TLCD4: variants seen among roughly 807,000 people sequenced by gnomAD.
The protein encoded by TLCD4 is TLC domain-containing protein 4.
Under a neutral mutation model 24.2 loss-of-function variants are expected in TLCD4, and 7 were observed. That is an observed-to-expected ratio of 0.29 (90% confidence interval 0.16 to 0.54). The LOEUF is 0.54. Among genes scored for constraint, TLCD4 ranks in the 20% least tolerant of loss-of-function variants. The pLI, the probability that TLCD4 is intolerant of heterozygous loss-of-function variation, is 0.95. For missense variants in TLCD4, 259 were observed against 313.9 expected (o/e 0.82, Z 1.32); for synonymous variants, 103 against 106.4 (o/e 0.97, Z 0.20).
At chr1:95,166,869 TAG>T (rs1462494467) in intron 5 of TLCD4, among the ~76,000 whole-genome samples, 1 of 151,806 alleles carries the variant, frequency 6.6e-6, no homozygotes, top group East Asian at 1.9e-4. Context: ...GCTGGGACTA[TAG>T]GCACACGCCA....
At chr1:95,114,338 G>A (rs1307535979), upstream of TLCD4, among the ~76,000 whole-genome samples, 1 of 152,170 alleles carries the variant, frequency 6.6e-6, no homozygotes, top group Non-Finnish European at 1.5e-5. Flanking sequence ...CAGCCTTTCT[G>A]ATCAAAATGT....
At chr1:95,125,437 G>A (rs1307848218) in intron 1 of TLCD4, 1 of 152,162 alleles carries the variant, frequency 6.6e-6, no homozygotes, top group African/African-American at 2.4e-5. Context: ...ACCAGTTTTA[G>A]GCAATGGCAA....
intron 1 of TLCD4, among the ~76,000 whole-genome samples, chr1:95,129,536 G>C (rs1411364305): frequency 6.6e-6 from 1 of 152,184 alleles, no homozygotes; most frequent in African/African-American, 2.4e-5. Flanking sequence ...GAGGTCAAGA[G>C]TTCGAGACCA....
chr1:95,098,119 C>T, the TLCD4 span, among the ~76,000 whole-genome samples: 1 of 152,144 alleles, frequency 6.6e-6, no homozygotes, highest in Non-Finnish European at 1.5e-5. Flanking sequence ...TGTGTACTCT[C>T]ATTTAGGCCT....
At chr1:95,159,753 T>C (rs1003381572) in intron 5 of TLCD4, among the ~76,000 whole-genome samples, 4 of 152,240 alleles carry the variant, frequency 2.6e-5, no homozygotes, top group Non-Finnish European at 5.9e-5. Flanking sequence ...CACCATTTAT[T>C]AAATAGGGAA....
intron 1 of TLCD4, among the ~76,000 whole-genome samples, chr1:95,141,792 T>TACAC (rs3075917): frequency 0.046 from 6,393 of 138,602 alleles, 251 homozygotes; most frequent in African/African-American, 0.1. Context: ...TTTTACCAAG[T>TACAC]ACACACACAC....
rs775191135 is a variant in TLCD4, at chr1:95,151,210, T to C, written c.305-115T>C. On this transcript the variant is annotated intron_variant, in intron 4 of 6. Transcript: ENST00000370203. ...CAGACTAACTGAGGGATGAACAAAG[T>C]GCTGTGGGCTCAGAGTGGACAGTGA... The C allele has an allele frequency of 6.3e-5, 64 of 1,010,460 alleles. 1 individual carries two copies. Among genetic ancestry groups the C allele is most frequent in the Admixed American group, 5.4e-4 (25 of 46,456 alleles). The allele number at this position is 1,010,460 out of a possible 1,614,324, so 62.6% of individuals were successfully genotyped here.
intron 6 of TLCD4, among the ~76,000 whole-genome samples, chr1:95,188,244 C>T (rs949239787): frequency 2.0e-5 from 3 of 151,962 alleles, no homozygotes; most frequent in African/African-American, 4.8e-5. Flanking sequence ...AAAAATTAGC[C>T]GGGCATGGTG....
intron 6 of TLCD4, chr1:95,174,302 G>A (rs80275430): frequency 0.079 from 12,757 of 160,646 alleles, 683 homozygotes; most frequent in South Asian, 0.1. Context: ...ACTTCCTCCT[G>A]TCCCCAAATT....
At chr1:95,132,456 C>CAA (rs34887671) in intron 1 of TLCD4, among the ~76,000 whole-genome samples, 9 of 72,418 alleles carry the variant, frequency 1.2e-4, no homozygotes, top group Non-Finnish European at 2.5e-4. Flanking sequence ...GACTCCAACT[C>CAA]AAAAAAAAAA....
chr1:95,171,143 G>A (rs1223309167), intron 5 of TLCD4, among the ~76,000 whole-genome samples: 1 of 151,994 alleles, frequency 6.6e-6, no homozygotes, highest in Non-Finnish European at 1.5e-5. Context: ...TAGAGATGGG[G>A]TTTTGCTATG....
intron 1 of TLCD4, among the ~76,000 whole-genome samples, chr1:95,125,878 A>G (rs1198294886): frequency 1.3e-5 from 2 of 152,212 alleles, no homozygotes; most frequent in Non-Finnish European, 2.9e-5. Flanking sequence ...TATTCCGGCC[A>G]TAGTGGCTCA....
In TLCD4 at chr1:95,191,541, AT is replaced by A. The variant is rs751757855; in HGVS notation, c.474-4del. On this transcript the variant is annotated splice_region_variant and splice_polypyrimidine_tract_variant and intron_variant, in intron 6 of 6. Transcript: ENST00000370203. The stretch of plus-strand genomic sequence containing the variant: ...TATAAATGTGATGTTTCTTTAATTC[AT>A]TTTTCAGGTGGTTCTTTGAAGCTCT... 1 of 1,592,878 alleles carries A rather than the reference AT, an allele frequency of 6.3e-7. No individual in the cohort carries two copies. Among genetic ancestry groups the A allele is most frequent in the Non-Finnish European group, 8.5e-7 (1 of 1,171,108 alleles).
chr1:95,101,652 G>A, the TLCD4 span, among the ~76,000 whole-genome samples: 1 of 152,096 alleles, frequency 6.6e-6, no homozygotes, highest in Admixed American at 6.6e-5. Context: ...TTTTTAACAT[G>A]ACTCCAGTTA....
At position 95,144,041 on chromosome 1, in the gene TLCD4, T is replaced by G; in HGVS notation, c.140T>G (p.Ile47Ser). 6.5e-7 allele frequency: 1 copy of G among 1,535,682 alleles called. No individual in the cohort carries two copies. The highest frequency in any genetic ancestry group is 8.7e-7 in the Non-Finnish European group (1 of 1,144,478). Residue 47 changes from isoleucine to serine, a missense_variant, in exon 2 of 7, where the codon ATT (isoleucine) becomes AGT (serine). By Grantham distance (142) the Ile-to-Ser change is moderately radical (BLOSUM62 -2). Transcript: ENST00000370203. ...AATAGTCTCAGCTTCAAAAAGAAGA[T>G]TGAATGGAACTCAAGGTAAAGCATA... ...GFNSLSFKKK[I>S]EWNSRVVSTC... is the part of the protein sequence containing the mutation.
intron 6 of TLCD4, among the ~76,000 whole-genome samples, chr1:95,177,975 G>C (rs1288061300): frequency 7.1e-6 from 1 of 140,500 alleles, no homozygotes; most frequent in East Asian, 2.1e-4. Context: ...TTTGGAGATA[G>C]AGTCTCGCTC....
At chr1:95,186,366 C>A (rs540308206) in intron 6 of TLCD4, among the ~76,000 whole-genome samples, 5 of 152,320 alleles carry the variant, frequency 3.3e-5, no homozygotes, top group Admixed American at 3.3e-4. Context: ...TGATGAAACA[C>A]TGGAGATCAG....
chr1:95,175,374 T>C (rs1481229868), intron 6 of TLCD4, among the ~76,000 whole-genome samples: 1 of 152,256 alleles, frequency 6.6e-6, no homozygotes, highest in African/African-American at 2.4e-5. Context: ...GATTTTCTTC[T>C]TTTTAAAGGC....
At chr1:95,145,138 C>T (rs1258312506) in intron 2 of TLCD4, among the ~76,000 whole-genome samples, 3 of 152,194 alleles carry the variant, frequency 2.0e-5, no homozygotes, top group East Asian at 1.9e-4. Context: ...TTGTAAACCT[C>T]AGTGAGTCAG....
Sources: allele counts gnomAD v4.1 joint callset (sites outside exome capture counted in the v4.1 genomes callset), GRCh38; gene constraint gnomAD v4.1.1; transcripts MANE v1.5; gene names NCBI Gene and HGNC (gene_info 2026-07-23, HGNC 2026-07-21).